Variants in TRAPPC9 observed in about 807,000 individuals in gnomAD.
TRAPPC9 encodes trafficking protein particle complex subunit 9.
A neutral mutation model predicts 124.0 loss-of-function variants in TRAPPC9; 83 were observed. The observed-to-expected ratio is 0.67, with a 90% CI of 0.56 to 0.80. TRAPPC9 has a LOEUF of 0.80. TRAPPC9 is among the 30% of genes least tolerant of loss of function. The pLI is 0.00. For synonymous variants in TRAPPC9, 638 were observed against 617.5 expected (o/e 1.03, Z -0.49); for missense variants, 1,302 against 1,508.3 (o/e 0.86, Z 2.27).
chr8:140,035,789 C>T (rs1040205707), intron 17 of TRAPPC9, among the ~76,000 whole-genome samples: 1 of 152,182 alleles, frequency 6.6e-6, no homozygotes. Flanking sequence ...CCTGAAGAAG[C>T]GTCTTTCGAT....
intron 12 of TRAPPC9, among the ~76,000 whole-genome samples, chr8:140,289,951 A>C (rs1563920469): frequency 6.6e-6 from 1 of 152,196 alleles, no homozygotes; most frequent in Non-Finnish European, 1.5e-5. Context: ...CTAGAGGCCT[A>C]AACAGCATTT....
At chr8:139,990,382 G>T (rs116612536) in intron 18 of TRAPPC9, among the ~76,000 whole-genome samples, 151,662 of 152,230 alleles carry the variant, frequency 1, 75,553 homozygotes, top group Middle Eastern at 1. Context: ...ACACATGTCC[G>T]CGGCAATTTC....
At chr8:139,733,302 G>A (rs78119228) in intron 21 of TRAPPC9, among the ~76,000 whole-genome samples, 1 of 152,262 alleles carries the variant, frequency 6.6e-6, no homozygotes, top group African/African-American at 2.4e-5. Flanking sequence ...AACTGAAGGA[G>A]GGAAGAATAA....
chr8:139,757,088 C>T (rs1184787492), intron 21 of TRAPPC9, among the ~76,000 whole-genome samples: 2 of 128,886 alleles, frequency 1.6e-5, no homozygotes, highest in African/African-American at 3.0e-5. Flanking sequence ...ACAGGAGGAG[C>T]CAGGGTTTGG....
chr8:139,979,314 C>G (rs562560927), intron 19 of TRAPPC9, among the ~76,000 whole-genome samples: 1 of 152,254 alleles, frequency 6.6e-6, no homozygotes, highest in East Asian at 1.9e-4. Context: ...GTCCTGGGCT[C>G]TGGCCAGACG....
chr8:140,457,375 G>A (rs1354374008), intron 1 of TRAPPC9, among the ~76,000 whole-genome samples: 2 of 152,228 alleles, frequency 1.3e-5, no homozygotes, highest in African/African-American at 4.8e-5. Flanking sequence ...TCCCGGACAG[G>A]TGTCCGCCGA....
intron 21 of TRAPPC9, among the ~76,000 whole-genome samples, chr8:139,737,530 A>C (rs1181234236): frequency 8.7e-6 from 1 of 114,654 alleles, no homozygotes; most frequent in Admixed American, 1.3e-4. Context: ...GTTTTCTCCC[A>C]CTGTTCTCTG....
intron 18 of TRAPPC9, among the ~76,000 whole-genome samples, chr8:140,010,239 T>A (rs1164787084): frequency 6.6e-6 from 1 of 152,134 alleles, no homozygotes. Flanking sequence ...TATCACACCA[T>A]CTACAAAAAA....
At chr8:140,335,705 ATTTTTT>A (rs10622473) in intron 9 of TRAPPC9, among the ~76,000 whole-genome samples, 1 of 131,692 alleles carries the variant, frequency 7.6e-6, no homozygotes, top group Non-Finnish European at 1.6e-5. Flanking sequence ...AGTCTTCACA[ATTTTTT>A]TTTTTTTTTT....
At chr8:139,797,502 G>A (rs1283884929) in intron 21 of TRAPPC9, among the ~76,000 whole-genome samples, 1 of 152,038 alleles carries the variant, frequency 6.6e-6, no homozygotes, top group African/African-American at 2.4e-5. Flanking sequence ...TCAGGTGATT[G>A]GCCTACCTAA....
chr8:140,434,437 T>C (rs1041034271), intron 4 of TRAPPC9, among the ~76,000 whole-genome samples: 3 of 152,176 alleles, frequency 2.0e-5, no homozygotes, highest in African/African-American at 7.2e-5. Context: ...TGAGAGAATG[T>C]CATCAGCCAA....
At chr8:139,787,716 G>A (rs970703404) in intron 21 of TRAPPC9, among the ~76,000 whole-genome samples, 5 of 152,110 alleles carry the variant, frequency 3.3e-5, no homozygotes, top group South Asian at 2.1e-4. Context: ...GTTTTTCAAC[G>A]TCCCTGTCCG....
chr8:140,243,206 G>A (rs1399651661), intron 16 of TRAPPC9, among the ~76,000 whole-genome samples: 1 of 152,130 alleles, frequency 6.6e-6, no homozygotes, highest in Non-Finnish European at 1.5e-5. Flanking sequence ...CAAAAACAAG[G>A]GCAAGTTCAA....
chr8:140,432,037 G>A (rs533512752), intron 4 of TRAPPC9, among the ~76,000 whole-genome samples: 2 of 152,138 alleles, frequency 1.3e-5, no homozygotes, highest in Non-Finnish European at 2.9e-5. Context: ...CAAATATAAT[G>A]GGCATAGTGC....
Position 139,731,089 on chromosome 8 carries a change from T to C in TRAPPC9, c.3419A>G (p.His1140Arg), listed in dbSNP as rs530963226. Residue 1140 changes from histidine to arginine, a missense_variant, in exon 23 of 23, where the codon CAC becomes CGC. Around this residue, in one of 3 missense-constraint regions of TRAPPC9, gnomAD observed 640 missense variants for 679.3 expected, o/e 0.94. Coordinates refer to ENST00000438773, the MANE Select transcript of TRAPPC9 (RefSeq NM_001160372.4). ...PPSWFCLPSV[H>R]VCALEAQA The stretch of plus-strand genomic sequence containing the variant: ...GGCCTGCGCCTCCAGGGCACACACG[T>C]GCACACTGGGCAGGCAGAACCAAGA... The C allele has an allele frequency of 1.9e-6, 3 of 1,613,462 alleles. No homozygotes were observed. The South Asian group carries it at 3.3e-5, about 18-fold the overall frequency.
chr8:140,337,578 C>T (rs1177481924), intron 9 of TRAPPC9, among the ~76,000 whole-genome samples: 4 of 152,306 alleles, frequency 2.6e-5, no homozygotes, highest in African/African-American at 4.8e-5. Flanking sequence ...AGAGAACAAA[C>T]GGACTGCGAC....
chr8:140,119,737 G>T (rs79225303), intron 17 of TRAPPC9, among the ~76,000 whole-genome samples: 11,276 of 152,212 alleles, frequency 0.074, 582 homozygotes, highest in Non-Finnish European at 0.11. Flanking sequence ...AATTTAACCA[G>T]GTCTTTAACT....
At position 140,380,357 on chromosome 8, in the gene TRAPPC9, A is replaced by G. The variant is rs76489339; in HGVS notation, c.1135-9177T>C. Among the ~76,000 whole-genome samples the G allele has an allele frequency of 8.4e-3, 1,282 of 152,334 alleles. 16 individuals carry two copies. Among genetic ancestry groups the G allele is most frequent in the African/African-American group, 0.028 (1,179 of 41,580 alleles). ...CTTGGACAACTGGATATTCATATGC[A>G]AACAAATAAAGTTAGCCCTGGCATG... On this transcript the variant is annotated intron_variant, in intron 7 of 22. Transcript: ENST00000438773.
At chr8:140,169,035 A>C (rs1252828550) in intron 17 of TRAPPC9, among the ~76,000 whole-genome samples, 1 of 152,186 alleles carries the variant, frequency 6.6e-6, no homozygotes, top group African/African-American at 2.4e-5. Flanking sequence ...CCCTGGAAGG[A>C]CAGGCAGATG....
Sources: allele counts gnomAD v4.1 joint callset (sites outside exome capture counted in the v4.1 genomes callset), GRCh38; gene constraint gnomAD v4.1.1; regional missense constraint gnomAD v4.1.1; transcripts MANE v1.5; gene names NCBI Gene and HGNC (gene_info 2026-07-23, HGNC 2026-07-21).